Variants in SLC12A1 observed in about 807,000 individuals in gnomAD.
SLC12A1 encodes the protein Na-K-2Cl cotransporter.
A neutral mutation model predicts 130.4 loss-of-function variants in SLC12A1; 89 were observed. The ratio of observed to expected loss-of-function variants is 0.68; its 90% CI spans 0.58 to 0.81. The LOEUF is 0.81. Among genes scored for constraint, SLC12A1 ranks in the 40% least tolerant of loss-of-function variants. The pLI, the probability that SLC12A1 is intolerant of heterozygous loss-of-function variation, is 0.00. For synonymous variants in SLC12A1, 499 were observed against 460.0 expected (o/e 1.08, Z -1.09); for missense variants, 1,310 against 1,336.4 (o/e 0.98, Z 0.31).
At chr15:48,273,007 T>G (rs2041913835) in intron 19 of SLC12A1, among the ~76,000 whole-genome samples, 1 of 150,358 alleles carries the variant, frequency 6.7e-6, no homozygotes, top group Non-Finnish European at 1.5e-5. Context: ...ACTCAGCAGG[T>G]TGAGGCAGAA....
chr15:48,251,520 T>G, intron 14 of SLC12A1, 95 bp from the exon 15 acceptor site: 1 of 971,562 alleles, frequency 1.0e-6, no homozygotes, highest in East Asian at 2.5e-5. Flanking sequence ...TGATTCTTTA[T>G]GTCAGGAAAA....
intron 2 of SLC12A1, among the ~76,000 whole-genome samples, chr15:48,214,518 A>G (rs754952163): frequency 3.3e-5 from 5 of 152,206 alleles, no homozygotes; most frequent in Non-Finnish European, 7.3e-5. Context: ...AATTGTGACC[A>G]TTGGTAGTGA....
At chr15:48,260,278 A>G in intron 17 of SLC12A1, among the ~76,000 whole-genome samples, 1 of 150,976 alleles carries the variant, frequency 6.6e-6, no homozygotes, top group Non-Finnish European at 1.5e-5. Context: ...AATAATAATA[A>G]TAATAATAAA....
intron 7 of SLC12A1, among the ~76,000 whole-genome samples, chr15:48,231,773 T>A (rs1417692470): frequency 2.6e-5 from 4 of 152,150 alleles, no homozygotes; most frequent in African/African-American, 9.7e-5. Flanking sequence ...ATCCCAGCAC[T>A]TTGGGAGGCT....
At chr15:48,247,497 G>A in intron 13 of SLC12A1, 37 bp downstream of exon 13, 1 of 1,479,066 alleles carries the variant, frequency 6.8e-7, no homozygotes, top group Non-Finnish European at 9.3e-7. Flanking sequence ...GAAAACCAAA[G>A]AATTCTTCTG....
chr15:48,213,823 T>C (rs2041085796), intron 2 of SLC12A1, among the ~76,000 whole-genome samples: 1 of 151,966 alleles, frequency 6.6e-6, no homozygotes, highest in Admixed American at 6.6e-5. Flanking sequence ...ACACCCAGCC[T>C]CCTCTAGAAT....
chr15:48,262,051 C>T (rs941546195), intron 17 of SLC12A1, among the ~76,000 whole-genome samples: 4 of 152,144 alleles, frequency 2.6e-5, no homozygotes, highest in African/African-American at 9.7e-5. Context: ...TTGTCAATAT[C>T]ATTATTTTTG....
intron 20 of SLC12A1, among the ~76,000 whole-genome samples, chr15:48,283,268 T>C (rs1411833046): frequency 1.3e-5 from 2 of 152,216 alleles, no homozygotes; most frequent in Non-Finnish European, 2.9e-5. Flanking sequence ...AGGAAAGGGT[T>C]ACAGTTTTCC....
At chr15:48,245,216 G>A (rs866700469) in intron 11 of SLC12A1, among the ~76,000 whole-genome samples, 11 of 152,306 alleles carry the variant, frequency 7.2e-5, no homozygotes, top group Middle Eastern at 3.4e-3. Flanking sequence ...AGATTAGTTA[G>A]CACTTGTTAT....
chr15:48,299,975 C>T (rs573341317), intron 25 of SLC12A1, among the ~76,000 whole-genome samples: 2 of 152,292 alleles, frequency 1.3e-5, no homozygotes, highest in Non-Finnish European at 2.9e-5. Context: ...TTCACAGGAG[C>T]ACTCAAGCGC....
chr15:48,292,682 T>C (rs750350291), intron 24 of SLC12A1, among the ~76,000 whole-genome samples: 1 of 152,164 alleles, frequency 6.6e-6, no homozygotes, highest in Admixed American at 6.5e-5. Flanking sequence ...GGTATGTAGA[T>C]GGCCGCCTCC....
chr15:48,226,700 G>C, intron 5 of SLC12A1, 129 bp downstream of exon 5: 1 of 677,142 alleles, frequency 1.5e-6, no homozygotes. Flanking sequence ...TGGAGGAGCT[G>C]GATGCCAAAG....
chr15:48,260,031 G>T (rs911497907), intron 17 of SLC12A1, among the ~76,000 whole-genome samples: 1 of 152,050 alleles, frequency 6.6e-6, no homozygotes, highest in Non-Finnish European at 1.5e-5. Context: ...GCTTTGGGAG[G>T]CCAAGGTGGG....
At chr15:48,274,690 T>C in intron 20 of SLC12A1, 37 bp downstream of exon 20, 1 of 1,416,244 alleles carries the variant, frequency 7.1e-7, no homozygotes, top group Non-Finnish European at 1.0e-6. Context: ...AAGTATTTAT[T>C]GAGCACCTAC....
chr15:48,267,190 G>T (rs143320831), intron 17 of SLC12A1, among the ~76,000 whole-genome samples: 3 of 152,148 alleles, frequency 2.0e-5, no homozygotes, highest in Admixed American at 1.3e-4. Flanking sequence ...GATTTCTTTC[G>T]TGTTCCTGAA....
At chr15:48,280,872 C>T (rs1198360189) in intron 20 of SLC12A1, among the ~76,000 whole-genome samples, 1 of 152,036 alleles carries the variant, frequency 6.6e-6, no homozygotes, top group Non-Finnish European at 1.5e-5. Context: ...ACTTCTCACA[C>T]CCCCATTCTT....
chr15:48,218,050 T>C (rs2041147521), intron 2 of SLC12A1: 1 of 152,362 alleles, frequency 6.6e-6, no homozygotes, highest in South Asian at 2.1e-4. Flanking sequence ...GCTCAAGCAA[T>C]CCTCCTGCCT....
At chr15:48,283,420 C>T (rs1428340538) in intron 20 of SLC12A1, among the ~76,000 whole-genome samples, 2 of 152,236 alleles carry the variant, frequency 1.3e-5, no homozygotes, top group Non-Finnish European at 2.9e-5. Flanking sequence ...CAGGGGTAAG[C>T]AACTTCTGTC....
intron 4 of SLC12A1, chr15:48,222,321 G>A (rs2041226928): frequency 6.6e-6 from 1 of 152,030 alleles, no homozygotes; most frequent in Admixed American, 6.6e-5. Flanking sequence ...ACATCCATAC[G>A]TTTGGGCAAT....
Sources: gnomAD v4.1 joint callset for allele counts (sites outside exome capture counted in the v4.1 genomes callset) on GRCh38, gnomAD v4.1.1 for gene constraint, MANE v1.5 for transcripts, NCBI Gene and HGNC (gene_info 2026-07-23, HGNC 2026-07-21) for gene names.